RBFOX1: variants seen among roughly 807,000 people sequenced by gnomAD.
RBFOX1 encodes RNA binding protein fox-1 homolog 1.
Under a neutral mutation model 57.7 loss-of-function variants are expected in RBFOX1, and 8 were observed. The observed-to-expected ratio is 0.14, with a 90% CI of 0.08 to 0.25. The LOEUF is 0.25. Ranked by LOEUF, RBFOX1 falls within the 10% of genes least tolerant of loss-of-function variation. RBFOX1 has a pLI of 1.00. For synonymous variants in RBFOX1, 326 were observed against 222.4 expected, an observed-to-expected ratio of 1.47 and a Z score of -4.15; for missense variants, 611 against 548.5, an observed-to-expected ratio of 1.11 and a Z score of -1.14.
intron 4 of RBFOX1, among the ~76,000 whole-genome samples, chr16:5,914,803 G>A (rs149567681): frequency 0.012 from 1,802 of 152,264 alleles, 37 homozygotes; most frequent in African/African-American, 0.041. Context: ...GCTGAGGCAG[G>A]AGAATGGCAT....
At chr16:7,517,181 GTGTGTGTT>G (rs1479780843) in intron 4 of RBFOX1, among the ~76,000 whole-genome samples, 2 of 132,114 alleles carry the variant, frequency 1.5e-5, no homozygotes, top group African/African-American at 2.9e-5. Flanking sequence ...GTGTGTGTGT[GTGTGTGTT>G]GTGGTAGAAC....
At chr16:6,870,875 G>T (rs559170242) in intron 3 of RBFOX1, among the ~76,000 whole-genome samples, 62 of 152,224 alleles carry the variant, frequency 4.1e-4, no homozygotes, top group African/African-American at 1.4e-3. Context: ...CCCTAACTTT[G>T]AGAGACTTGA....
intron 4 of RBFOX1, among the ~76,000 whole-genome samples, chr16:7,203,881 A>AG (rs2089306702): frequency 1.3e-5 from 2 of 152,230 alleles, no homozygotes; most frequent in South Asian, 4.1e-4. Context: ...AGTCCTCAGA[A>AG]GGGGCTGAAG....
intron 2 of RBFOX1, among the ~76,000 whole-genome samples, chr16:6,333,054 T>G (rs892652413): frequency 3.3e-5 from 5 of 152,314 alleles, no homozygotes; most frequent in African/African-American, 1.2e-4. Flanking sequence ...TTTTTTTCTT[T>G]TTTGAGACAG....
chr16:5,735,863 A>C (rs994609253), intron 3 of RBFOX1, among the ~76,000 whole-genome samples: 4 of 152,154 alleles, frequency 2.6e-5, no homozygotes, highest in Admixed American at 2.6e-4. Flanking sequence ...GTGACAGAGC[A>C]AGACTCTGTC....
intron 4 of RBFOX1, among the ~76,000 whole-genome samples, chr16:7,081,751 C>T (rs928705310): frequency 1.3e-5 from 2 of 152,070 alleles, no homozygotes; most frequent in East Asian, 1.9e-4. Context: ...TTATACTGAT[C>T]ACCCTGGCCT....
At chr16:6,845,876 C>T (rs1301410424) in intron 3 of RBFOX1, among the ~76,000 whole-genome samples, 1 of 152,200 alleles carries the variant, frequency 6.6e-6, no homozygotes, top group East Asian at 1.9e-4. Context: ...GCTATTCCTT[C>T]TGATTCTTTA....
intron 1 of RBFOX1, among the ~76,000 whole-genome samples, chr16:6,286,814 A>C (rs1353454887): frequency 6.6e-6 from 1 of 152,160 alleles, no homozygotes; most frequent in Non-Finnish European, 1.5e-5. Context: ...GAACTTGATA[A>C]TCCTAAATAA....
rs192835540 is a variant in RBFOX1, at chr16:6,536,262, A to G, written c.-63-118341A>G. 8.0e-4 allele frequency among the ~76,000 whole-genome samples: 122 copies of G among 152,344 alleles called. 1 individual carries two copies. In the Middle Eastern group the frequency reaches 0.017, roughly 21 times the overall value. ...TTCAGATAAATCTCTAGTATCCTCA[A>G]GAGTCTTTGAATACTTTCCTGTCTC... On this transcript the variant is annotated intron_variant, in intron 2 of 15. Transcript: ENST00000550418.
intron 2 of RBFOX1, among the ~76,000 whole-genome samples, chr16:5,538,695 C>T (rs545898030): frequency 6.5e-4 from 99 of 151,300 alleles, no homozygotes; most frequent in African/African-American, 2.2e-3. Flanking sequence ...GTGTGATCTC[C>T]GCTCACTGCA....
chr16:6,745,448 T>G (rs2073361718), intron 3 of RBFOX1, among the ~76,000 whole-genome samples: 1 of 152,182 alleles, frequency 6.6e-6, no homozygotes, highest in South Asian at 2.1e-4. Flanking sequence ...AAGGATACTA[T>G]ATCAAGAATG....
At chr16:7,485,154 C>T (rs1413782386) in intron 4 of RBFOX1, among the ~76,000 whole-genome samples, 2 of 151,864 alleles carry the variant, frequency 1.3e-5, no homozygotes, top group Non-Finnish European at 2.9e-5. Flanking sequence ...GCTATAGACA[C>T]ATTAGTTAAT....
intron 3 of RBFOX1, among the ~76,000 whole-genome samples, chr16:6,722,288 C>G (rs1039124519): frequency 6.6e-6 from 1 of 151,788 alleles, no homozygotes; most frequent in East Asian, 1.9e-4. Context: ...GTTTCCACTT[C>G]TCCACAGCCT....
At chr16:7,467,755 G>A (rs1002062442) in intron 4 of RBFOX1, among the ~76,000 whole-genome samples, 3 of 152,290 alleles carry the variant, frequency 2.0e-5, no homozygotes, top group Non-Finnish European at 4.4e-5. Flanking sequence ...CACATGCAAC[G>A]TCTTCCCCAC....
chr16:5,725,197 C>G (rs934118475), intron 3 of RBFOX1, among the ~76,000 whole-genome samples: 2 of 152,134 alleles, frequency 1.3e-5, no homozygotes, highest in Non-Finnish European at 2.9e-5. Flanking sequence ...AAAACAATCC[C>G]TTGTGCTGTG....
chr16:5,605,463 A>G (rs1815605282), intron 3 of RBFOX1, among the ~76,000 whole-genome samples: 1 of 152,174 alleles, frequency 6.6e-6, no homozygotes, highest in African/African-American at 2.4e-5. Flanking sequence ...GGTGCCATTG[A>G]TGAGTAATAG....
At chr16:5,535,383 C>T (rs550462009) in intron 2 of RBFOX1, among the ~76,000 whole-genome samples, 2 of 152,278 alleles carry the variant, frequency 1.3e-5, no homozygotes, top group South Asian at 4.2e-4. Flanking sequence ...AAACTCAATA[C>T]ACAAGTTATC....
intron 1 of RBFOX1, among the ~76,000 whole-genome samples, chr16:6,165,841 T>C (rs1224058553): frequency 6.6e-6 from 1 of 152,142 alleles, no homozygotes. Flanking sequence ...TAAATGAGAT[T>C]TTTAAGGTGA....
chr16:6,010,227 A>G (rs1323755899), intron 4 of RBFOX1, among the ~76,000 whole-genome samples: 1 of 151,930 alleles, frequency 6.6e-6, no homozygotes, highest in Non-Finnish European at 1.5e-5. Flanking sequence ...ATTCTGCTCA[A>G]CCCATGTCCA....
Sources: allele counts gnomAD v4.1 joint callset (sites outside exome capture counted in the v4.1 genomes callset), GRCh38; gene constraint gnomAD v4.1.1; transcripts MANE v1.5; gene names NCBI Gene and HGNC (gene_info 2026-07-23, HGNC 2026-07-21).